HTR2C: variants seen among roughly 807,000 people sequenced by gnomAD.
HTR2C encodes 5-hydroxytryptamine receptor 2C, also known as 5-hydroxytryptamine (serotonin) receptor 2C, G protein-coupled.
In HTR2C, 5 loss-of-function variants were observed where a neutral mutation model predicts 21.0. The ratio of observed to expected loss-of-function variants is 0.24; its 90% CI spans 0.12 to 0.50. The LOEUF (loss-of-function observed/expected upper bound fraction) is 0.50, where lower values mean the gene tolerates loss of function less well. HTR2C is among the 20% of genes least tolerant of loss of function. The pLI is 0.98. For missense variants in HTR2C, 271 were observed against 371.2 expected (o/e 0.73, Z 2.22); for synonymous variants, 150 against 145.3 (o/e 1.03, Z -0.23).
chrX:114,747,571 C>T (rs781812413), intron 4 of HTR2C, among the ~76,000 whole-genome samples: 1 of 112,356 alleles, frequency 8.9e-6, no homozygotes, highest in Admixed American at 9.4e-5. Flanking sequence ...TGATCCCCTC[C>T]CTTTTGGTGT....
chrX:114,604,329 G>T (rs1326571145), intron 1 of HTR2C, among the ~76,000 whole-genome samples: 2 of 110,490 alleles, frequency 1.8e-5, no homozygotes, highest in African/African-American at 6.6e-5. Flanking sequence ...AAAGGGTATT[G>T]TCTAAGTTGG....
chrX:114,806,890 TAC>T (rs1556450219), intron 4 of HTR2C, among the ~76,000 whole-genome samples: 1 of 101,752 alleles, frequency 9.8e-6, no homozygotes, highest in East Asian at 3.1e-4. Flanking sequence ...ACCATATATA[TAC>T]CATATATACA....
rs188517327 is a variant in HTR2C at position 114,765,603 on chromosome X, A to G, written c.349+33996A>G. On this transcript the variant is annotated intron_variant, in intron 4 of 5. Transcript: ENST00000276198. ...TGAACATACTATGTTCCTGAAAAAC[A>G]ACAACAACAACAACAACAAATATTG... 7.0e-4 allele frequency among the ~76,000 whole-genome samples: 78 copies of G among 110,743 alleles called. 1 individual carries two copies. The highest frequency in any genetic ancestry group is 5.5e-3 in the East Asian group (19 of 3,439).
At chrX:114,765,064 A>G (rs2069934151) in intron 4 of HTR2C, among the ~76,000 whole-genome samples, 1 of 93,086 alleles carries the variant, frequency 1.1e-5, no homozygotes, top group South Asian at 5.0e-4. Flanking sequence ...CTTTCTTTTG[A>G]CAGAGTTTCA....
At position 114,656,955 on chromosome X, in the gene HTR2C, G is replaced by A. The variant is rs781996903; in HGVS notation, c.-80+43074G>A. 3.6e-4 allele frequency among the ~76,000 whole-genome samples: 40 copies of A among 110,946 alleles called. No homozygotes were observed. The South Asian group carries it at 4.9e-3, about 13-fold the overall frequency. On this transcript the variant is annotated intron_variant, in intron 2 of 5. Coordinates refer to ENST00000276198, the MANE Select transcript of HTR2C (RefSeq NM_000868.4). Reference sequence around the variant, plus strand: ...TCATGTCTAACTTGGCAAAGCAAATGTATAATTTATCTTAGAAATAAATAT... The same window carrying A: ...TCATGTCTAACTTGGCAAAGCAAATATATAATTTATCTTAGAAATAAATAT...
chrX:114,834,219 G>A lies in HTR2C; in HGVS notation c.350-13784G>A, dbSNP rs145510184. ...AGTTCTGTAGATGTCTATTAGGTCCGCTTGATGCAAGGCTGAGTTCAATTC... is the reference window on the plus strand; with the variant it reads ...AGTTCTGTAGATGTCTATTAGGTCCACTTGATGCAAGGCTGAGTTCAATTC... On this transcript the variant is annotated intron_variant, in intron 4 of 5. Transcript: ENST00000276198. Among the ~76,000 whole-genome samples the A allele has an allele frequency of 6.9e-3, 760 of 110,472 alleles. 10 individuals are homozygous for A. Among genetic ancestry groups the A allele is most frequent in the African/African-American group, 0.024 (722 of 30,354 alleles).
At position 114,716,940 on chromosome X, in the gene HTR2C, AT is replaced by A. The variant is rs376098975; in HGVS notation, c.-79-9917del. ...ACTGGGTATAATAACTAGAGGGATA[AT>A]ATTTGAATTATGAGTCATAATTTCT... On this transcript the variant is annotated intron_variant, in intron 2 of 5. Coordinates refer to ENST00000276198, the MANE Select transcript of HTR2C (RefSeq NM_000868.4). 2.1e-3 allele frequency among the ~76,000 whole-genome samples: 236 copies of A among 111,850 alleles called. 1 individual carries two copies. The highest frequency in any genetic ancestry group is 7.3e-3 in the African/African-American group (224 of 30,860).
chrX:114,835,088 T>C lies in HTR2C; in HGVS notation c.350-12915T>C, dbSNP rs1379098483. 2.4e-3 allele frequency among the ~76,000 whole-genome samples: 241 copies of C among 99,763 alleles called. 1 individual carries two copies. The highest frequency in any genetic ancestry group is 7.7e-3 in the African/African-American group (215 of 28,042). The allele number at this position is 99,763 out of a possible 115,157, so 86.6% of individuals were successfully genotyped here. A position where few individuals can be genotyped will look rare whatever the true frequency, so the allele number is the denominator to read the frequency against. On this transcript the variant is annotated intron_variant, in intron 4 of 5. Transcript: ENST00000276198. ...GCCGAGAGATCCGCTGTTAGTCTGA[T>C]GGGCTTCCCTTTGAGGATAACCCGA...
At chrX:114,710,109 A>G (rs1932869437) in intron 2 of HTR2C, among the ~76,000 whole-genome samples, 1 of 111,746 alleles carries the variant, frequency 8.9e-6, no homozygotes, top group South Asian at 3.7e-4. Flanking sequence ...TCTCTTCTGG[A>G]TCAGATTCCT....
chrX:114,909,246 A>G lies in HTR2C; in HGVS notation c.*1831A>G, dbSNP rs2071397420. On this transcript the variant is annotated 3_prime_UTR_variant, in exon 6 of 6. Transcript: ENST00000276198. ...GGTCTGTTGAAGTGCATGTTAAAATAATTATATGAAGCAGAATGAGATGAT... is the reference window on the plus strand; with the variant it reads ...GGTCTGTTGAAGTGCATGTTAAAATGATTATATGAAGCAGAATGAGATGAT... 1 of 112,657 alleles carries G rather than the reference A, an allele frequency of 8.9e-6. No individual in the cohort carries two copies. The highest frequency in any genetic ancestry group is 3.2e-5 in the African/African-American group (1 of 30,979). The allele number at this position is 112,657 out of a possible 1,213,427, so 9.3% of individuals were successfully genotyped here.
rs782599653 is a variant in HTR2C at position 114,596,369 on chromosome X, A to G, written c.-147+11710A>G. Among the ~76,000 whole-genome samples, 10 of 112,398 alleles carry G rather than the reference A, an allele frequency of 8.9e-5. No homozygotes were observed. The East Asian group carries it at 2.8e-3, about 31-fold the overall frequency. Reference sequence around the variant, plus strand: ...GTTCATTAATATCTTGCTGAATATCAATAACGTAAATGCTGAGTTTATGGT... The same window carrying G: ...GTTCATTAATATCTTGCTGAATATCGATAACGTAAATGCTGAGTTTATGGT... On this transcript the variant is annotated intron_variant, in intron 1 of 5. Transcript: ENST00000276198.
intron 4 of HTR2C, among the ~76,000 whole-genome samples, chrX:114,778,883 C>G (rs2070086954): frequency 9.0e-6 from 1 of 110,922 alleles, no homozygotes; most frequent in East Asian, 2.8e-4. Flanking sequence ...AAGTTCCTGG[C>G]TAGTAGTCCA....
intron 2 of HTR2C, among the ~76,000 whole-genome samples, chrX:114,696,566 A>G (rs1404748354): frequency 8.9e-6 from 1 of 111,871 alleles, no homozygotes; most frequent in Non-Finnish European, 1.9e-5. Flanking sequence ...AACTCCACAA[A>G]GATGGACAGT....
intron 5 of HTR2C, among the ~76,000 whole-genome samples, chrX:114,852,279 T>G (rs2147493070): frequency 9.0e-6 from 1 of 110,786 alleles, no homozygotes; most frequent in South Asian, 3.8e-4. Context: ...CTTTATTTTT[T>G]AATATGTAAA....
intron 2 of HTR2C, among the ~76,000 whole-genome samples, chrX:114,623,260 T>A (rs1484638027): frequency 8.9e-6 from 1 of 112,256 alleles, no homozygotes; most frequent in Non-Finnish European, 1.9e-5. Context: ...TAGGTTTCTA[T>A]TGTGTCAATC....
chrX:114,595,237 A>G (rs1194081613), intron 1 of HTR2C, among the ~76,000 whole-genome samples: 1 of 110,985 alleles, frequency 9.0e-6, no homozygotes, highest in African/African-American at 3.3e-5. Flanking sequence ...TATTTTTTTG[A>G]GACAGGGTCT....
intron 4 of HTR2C, among the ~76,000 whole-genome samples, chrX:114,754,081 A>G (rs1459800467): frequency 9.0e-6 from 1 of 111,194 alleles, no homozygotes; most frequent in Non-Finnish European, 1.9e-5. Flanking sequence ...GATACTAGTC[A>G]TATTGGATTA....
intron 2 of HTR2C, among the ~76,000 whole-genome samples, chrX:114,694,799 A>G (rs1478736386): frequency 9.0e-6 from 1 of 111,339 alleles, no homozygotes; most frequent in African/African-American, 3.3e-5. Flanking sequence ...TGGGCACAAC[A>G]ATCTATTTCA....
intron 5 of HTR2C, among the ~76,000 whole-genome samples, chrX:114,879,809 T>G (rs781852137): frequency 9.0e-6 from 1 of 111,257 alleles, no homozygotes; most frequent in Non-Finnish European, 1.9e-5. Context: ...CATACATATA[T>G]ACACCACAAT....
Sources: gnomAD v4.1 joint callset for allele counts (sites outside exome capture counted in the v4.1 genomes callset) on GRCh38, gnomAD v4.1.1 for gene constraint, MANE v1.5 for transcripts, NCBI Gene and HGNC (gene_info 2026-07-23, HGNC 2026-07-21) for gene names.